Variants in ACOT1 observed in about 807,000 individuals in gnomAD.
ACOT1 encodes acyl-CoA thioesterase 1.
ACOT1 carries 8 observed loss-of-function variants against 15.7 expected under a neutral mutation model. The ratio of observed to expected loss-of-function variants is 0.51; its 90% CI spans 0.30 to 0.92. The LOEUF (loss-of-function observed/expected upper bound fraction) is 0.92. ACOT1 is among the 40% of genes least tolerant of loss of function. The probability of loss-of-function intolerance (pLI) is 0.06; values close to 1 mark genes in which losing one functional copy is unlikely to be tolerated. For synonymous variants in ACOT1, 67 were observed against 241.2 expected, an observed-to-expected ratio of 0.28 and a Z score of 6.69; for missense variants, 151 against 539.4, an observed-to-expected ratio of 0.28 and a Z score of 7.13.
At chr14:73,536,287 T>C (rs1312370156), upstream of ACOT1, among the ~76,000 whole-genome samples, 9 of 104,668 alleles carry the variant, frequency 8.6e-5, 3 homozygotes, top group Non-Finnish European at 1.2e-4. Flanking sequence ...GGGAGGGGCC[T>C]AAAGCTTAAG....
At chr14:73,522,486 G>A in the ACOT1 span, 1 of 1,614,230 alleles carries the variant, frequency 6.2e-7, no homozygotes, top group South Asian at 1.1e-5. Flanking sequence ...GGCCTTCGAG[G>A]ACGCTTGCTC....
chr14:73,495,145 G>GC, the ACOT1 span: 1 of 1,230,916 alleles, frequency 8.1e-7, no homozygotes. Flanking sequence ...TCTAAGGCTT[G>GC]CTACTAAGTC....
chr14:73,525,092 C>T, the ACOT1 span, among the ~76,000 whole-genome samples: 1 of 152,064 alleles, frequency 6.6e-6, no homozygotes, highest in African/African-American at 2.4e-5. Flanking sequence ...AGCACTGGCA[C>T]GATCATAGCT....
the ACOT1 span, among the ~76,000 whole-genome samples, chr14:73,521,465 AG>A: frequency 1.9e-4 from 29 of 152,336 alleles, no homozygotes; most frequent in Non-Finnish European, 3.5e-4. Context: ...AGCTCCTTAA[AG>A]GTACATATCT....
the ACOT1 span, chr14:73,492,376 T>G: frequency 1.2e-6 from 2 of 1,613,578 alleles, no homozygotes; most frequent in Non-Finnish European, 1.7e-6. The surrounding 1 kb of genome is among the most constrained non-coding windows in gnomAD (Gnocchi z 4.9). Context: ...TTCGGAGGGG[T>G]CTGCCCCGAG....
chr14:73,510,318 A>T, the ACOT1 span, among the ~76,000 whole-genome samples: 6 of 152,136 alleles, frequency 3.9e-5, no homozygotes, highest in Non-Finnish European at 8.8e-5. Context: ...CTAAACAGTA[A>T]GGTTCATAAG....
At chr14:73,521,118 T>A in the ACOT1 span, 2 of 1,240,608 alleles carry the variant, frequency 1.6e-6, no homozygotes, top group Non-Finnish European at 2.3e-6. Context: ...CCACAGCTCG[T>A]TCCCTTTCCT....
the ACOT1 span, chr14:73,503,122 A>T: frequency 1.2e-6 from 1 of 865,756 alleles, no homozygotes; most frequent in South Asian, 1.5e-5. Context: ...ACTAATGAGG[A>T]TTGTCCTGAG....
the ACOT1 span, chr14:73,508,005 C>G: frequency 2.3e-6 from 2 of 852,448 alleles, no homozygotes; most frequent in African/African-American, 3.4e-5. Context: ...CTCGGCCTCC[C>G]GAAGTGTTGG....
At chr14:73,511,764 C>G in the ACOT1 span, among the ~76,000 whole-genome samples, 5 of 152,220 alleles carry the variant, frequency 3.3e-5, no homozygotes, top group Non-Finnish European at 7.4e-5. Context: ...ATGTTAACTT[C>G]TCTGCAGGCC....
Position 73,541,617 on chromosome 14 carries a change from A to C in ACOT1, c.582A>C (p.Glu194Asp). The C allele has an allele frequency of 2.4e-6, 3 of 1,243,200 alleles. No homozygotes were observed. Among genetic ancestry groups the C allele is most frequent in the Non-Finnish European group, 3.2e-6 (3 of 935,884 alleles). The allele number at this position is 1,243,200 out of a possible 1,614,324, so 77.0% of individuals were successfully genotyped here. A position where few individuals can be genotyped will look rare whatever the true frequency, so the allele number is the denominator to read the frequency against. Residue 194 changes from glutamate to aspartate, a missense_variant, in exon 2 of 3, where the codon GAA (glutamate) becomes GAC (aspartate). Physicochemically the swap from Glu to Asp is conservative, Grantham distance 45. Coordinates refer to ENST00000311148, the MANE Select transcript of ACOT1 (RefSeq NM_001037161.2). ...TGGCTCTGGCTTACTATAACTATGA[A>C]GACCTCCCCAAGACCATGGAGACGC... The part of the protein sequence containing the change: ...AVMALAYYNY[E>D]DLPKTMETLH...
At chr14:73,496,540 G>T in the ACOT1 span, 11 of 999,938 alleles carry the variant, frequency 1.1e-5, no homozygotes, top group Non-Finnish European at 1.8e-5. Context: ...GGAGGACAGG[G>T]TCTGAGGAAC....
At chr14:73,509,387 C>T in the ACOT1 span, 1 of 1,614,106 alleles carries the variant, frequency 6.2e-7, no homozygotes. Context: ...CATATTGCTG[C>T]TGCCATCCGC....
chr14:73,522,848 A>G, the ACOT1 span: 2 of 1,614,148 alleles, frequency 1.2e-6, no homozygotes, highest in South Asian at 1.1e-5. Context: ...AGTATGGATG[A>G]TGTCATTGGT....
At chr14:73,515,075 A>C in the ACOT1 span, among the ~76,000 whole-genome samples, 1 of 151,846 alleles carries the variant, frequency 6.6e-6, no homozygotes, top group Non-Finnish European at 1.5e-5. Flanking sequence ...TCTCAAAAAA[A>C]AAAAACAAAA....
the ACOT1 span, chr14:73,522,358 T>C: frequency 1.2e-6 from 2 of 1,614,258 alleles, no homozygotes; most frequent in Non-Finnish European, 1.7e-6. Flanking sequence ...CTGCTGTCTC[T>C]TCTGCCTCCA....
chr14:73,498,434 T>A, the ACOT1 span: 6 of 1,131,788 alleles, frequency 5.3e-6, no homozygotes, highest in Non-Finnish European at 7.4e-6. Flanking sequence ...AAACAATACC[T>A]TCCCTTTTGG....
chr14:73,535,968 G>T (rs546104571), upstream of ACOT1, among the ~76,000 whole-genome samples: 2 of 115,554 alleles, frequency 1.7e-5, 1 homozygote, highest in Non-Finnish European at 3.8e-5. Context: ...TACTACTACG[G>T]TTCTTGTAAG....
At chr14:73,519,561 CT>C in the ACOT1 span, among the ~76,000 whole-genome samples, 1 of 151,788 alleles carries the variant, frequency 6.6e-6, no homozygotes, top group African/African-American at 2.4e-5. Flanking sequence ...CTGGGCAACA[CT>C]GTAAGACCCC....
Sources: allele counts gnomAD v4.1 joint callset (sites outside exome capture counted in the v4.1 genomes callset), GRCh38; gene constraint gnomAD v4.1.1; non-coding constraint Gnocchi (gnomAD v3.1); transcripts MANE v1.5; gene names NCBI Gene and HGNC (gene_info 2026-07-23, HGNC 2026-07-21).